NIM1K: variants seen among roughly 807,000 people sequenced by gnomAD.
The protein encoded by NIM1K is NIM1 serine/threonine protein kinase.
A neutral mutation model predicts 37.1 loss-of-function variants in NIM1K; 35 were observed. The ratio of observed to expected loss-of-function variants is 0.94; its 90% CI spans 0.72 to 1.25. The LOEUF is 1.25. NIM1K is among the 50% of genes most tolerant of loss of function. The pLI, the probability that NIM1K is intolerant of heterozygous loss-of-function variation, is 0.00. For synonymous variants in NIM1K, 234 were observed against 206.6 expected, an observed-to-expected ratio of 1.13 and a Z score of -1.14; for missense variants, 564 against 548.0, an observed-to-expected ratio of 1.03 and a Z score of -0.29.
At position 43,220,388 on chromosome 5, in the gene NIM1K, C is replaced by T. The variant is rs138704048; in HGVS notation, c.-694-24694C>T. 1.3e-3 allele frequency among the ~76,000 whole-genome samples: 189 copies of T among 150,744 alleles called. 1 individual carries two copies. Among genetic ancestry groups the T allele is most frequent in the Admixed American group, 7.8e-3 (117 of 15,082 alleles). ...GCAACCTTCACCTCCCAGGTTCAAG[C>T]GATTCTCCTGCCTTAGCATCCCGAG... On this transcript the variant is annotated intron_variant, in intron 1 of 3. Coordinates refer to ENST00000326035, the MANE Select transcript of NIM1K (RefSeq NM_153361.4).
intron 1 of NIM1K, chr5:43,232,063 A>C (rs1752547372): frequency 1.9e-6 from 2 of 1,035,940 alleles, no homozygotes; most frequent in Non-Finnish European, 2.9e-6. Flanking sequence ...CTGTGTCTTG[A>C]CCAGGTCTCC....
intron 1 of NIM1K, among the ~76,000 whole-genome samples, chr5:43,213,665 TG>T (rs1378817398): frequency 6.6e-6 from 1 of 152,162 alleles, no homozygotes; most frequent in African/African-American, 2.4e-5. Flanking sequence ...GGCTTATTTT[TG>T]TATTTTTTTA....
intron 2 of NIM1K, among the ~76,000 whole-genome samples, chr5:43,258,358 A>C (rs10462047): frequency 0.46 from 69,348 of 151,914 alleles, 16,384 homozygotes; most frequent in East Asian, 0.78. Flanking sequence ...TCAACTGTTG[A>C]TGATGTGACT....
At chr5:43,221,479 AAGAT>A (rs979981457) in intron 1 of NIM1K, among the ~76,000 whole-genome samples, 7 of 151,968 alleles carry the variant, frequency 4.6e-5, no homozygotes, top group African/African-American at 1.4e-4. Flanking sequence ...GAAAAGGAAA[AAGAT>A]AGAAAAGAAA....
chr5:43,216,120 C>A (rs1303086272), intron 1 of NIM1K, among the ~76,000 whole-genome samples: 1 of 152,000 alleles, frequency 6.6e-6, no homozygotes, highest in Non-Finnish European at 1.5e-5. Context: ...AATGTAAATA[C>A]CCTTTATTGC....
intron 2 of NIM1K, among the ~76,000 whole-genome samples, chr5:43,251,587 C>A (rs1752867244): frequency 6.6e-6 from 1 of 152,096 alleles, no homozygotes; most frequent in African/African-American, 2.4e-5. Context: ...TTCTATGGAC[C>A]CACAGCAGGG....
chr5:43,260,475 T>C (rs1753010378), intron 2 of NIM1K, among the ~76,000 whole-genome samples: 4 of 152,242 alleles, frequency 2.6e-5, no homozygotes, highest in African/African-American at 9.6e-5. Context: ...GTTTTTGTCA[T>C]AGAGCAATGC....
intron 1 of NIM1K, chr5:43,240,372 GC>G (rs2080329261): frequency 6.6e-6 from 1 of 151,684 alleles, no homozygotes; most frequent in Non-Finnish European, 1.5e-5. Flanking sequence ...ACCACAACCA[GC>G]CTATTTTCTT....
At position 43,277,341 on chromosome 5, in the gene NIM1K, G is replaced by C. The variant is rs371064873; in HGVS notation, c.561+16G>C. ...GAAGCACATGGTGAGCAGGGGTGACGAGTGAGAACCTTGCTCCCATTGCAC... is the reference window on the plus strand; with the variant it reads ...GAAGCACATGGTGAGCAGGGGTGACCAGTGAGAACCTTGCTCCCATTGCAC... On this transcript the variant is annotated intron_variant, in intron 3 of 3. Transcript: ENST00000326035. 1.7e-5 allele frequency: 28 copies of C among 1,608,930 alleles called. No individual in the cohort carries two copies. The highest frequency in any genetic ancestry group is 2.3e-5 in the Non-Finnish European group (27 of 1,177,540).
At chr5:43,249,799 T>C (rs1752840645) in intron 2 of NIM1K, among the ~76,000 whole-genome samples, 2 of 151,720 alleles carry the variant, frequency 1.3e-5, no homozygotes, top group Non-Finnish European at 2.9e-5. Context: ...GCAACCTTTT[T>C]ACACTTAGTA....
At chr5:43,266,009 G>T (rs1038289605) in intron 2 of NIM1K, among the ~76,000 whole-genome samples, 6 of 152,216 alleles carry the variant, frequency 3.9e-5, no homozygotes, top group Non-Finnish European at 7.3e-5. Flanking sequence ...GGGTCACCCA[G>T]CTGTGTGAGG....
At position 43,221,447 on chromosome 5, in the gene NIM1K, CAAAAAAAAA is replaced by C. The variant is rs55658060; in HGVS notation, c.-694-23622_-694-23614del. On this transcript the variant is annotated intron_variant, in intron 1 of 3. Coordinates refer to ENST00000326035, the MANE Select transcript of NIM1K (RefSeq NM_153361.4). ...GCCTGGGTGATGAGTGAGACTGTCTCAAAAAAAAAAAAAAAAAAAAAGAAAAGGAAAAAG... is the reference window on the plus strand; with the variant it reads ...GCCTGGGTGATGAGTGAGACTGTCTCAAAAAAAAAAAAGAAAAGGAAAAAG... Among the ~76,000 whole-genome samples the C allele has an allele frequency of 3.2e-5, 4 of 124,142 alleles. 1 individual carries two copies. Among genetic ancestry groups the C allele is most frequent in the Non-Finnish European group, 6.5e-5 (4 of 61,556 alleles). The allele number at this position is 124,142 out of a possible 152,430, so 81.4% of individuals were successfully genotyped here.
chr5:43,195,661 CAAAAAA>C (rs10556161), intron 1 of NIM1K, among the ~76,000 whole-genome samples: 4 of 112,084 alleles, frequency 3.6e-5, no homozygotes, highest in African/African-American at 1.4e-4. Flanking sequence ...ACTCTGAATC[CAAAAAA>C]AAAAAAAAAA....
chr5:43,274,912 TTCTG>T (rs1374331127), intron 2 of NIM1K, among the ~76,000 whole-genome samples: 2 of 152,248 alleles, frequency 1.3e-5, no homozygotes, highest in East Asian at 3.8e-4. Flanking sequence ...TGGGATCCTG[TTCTG>T]TCTGTTTGCT....
intron 1 of NIM1K, among the ~76,000 whole-genome samples, chr5:43,198,287 TCTTC>T (rs1384801608): frequency 1.3e-5 from 2 of 148,444 alleles, no homozygotes; most frequent in Admixed American, 6.8e-5. Context: ...TTCTCTCCTT[TCTTC>T]CTTCCTTCCT....
intron 2 of NIM1K, among the ~76,000 whole-genome samples, chr5:43,252,707 A>G (rs1752883106): frequency 6.6e-6 from 1 of 152,192 alleles, no homozygotes; most frequent in Admixed American, 6.5e-5. Context: ...GGGCTCTCCA[A>G]GCTGATAGTG....
intron 2 of NIM1K, among the ~76,000 whole-genome samples, chr5:43,249,586 A>G (rs544049525): frequency 6.6e-6 from 1 of 152,334 alleles, no homozygotes; most frequent in African/African-American, 2.4e-5. Context: ...GTGAACCAAA[A>G]CAGGTGATGC....
chr5:43,199,010 A>G lies in NIM1K; in HGVS notation c.-695+6599A>G, dbSNP rs532284792. 4.4e-4 allele frequency among the ~76,000 whole-genome samples: 66 copies of G among 151,348 alleles called. No individual in the cohort carries two copies. The South Asian group carries it at 0.014, about 31-fold the overall frequency. Reference sequence around the variant, plus strand: ...TCGAGACCAGCCTGACCAATATGGAAAAACCCCATCTCTACTAAAAATACA... The same window carrying G: ...TCGAGACCAGCCTGACCAATATGGAGAAACCCCATCTCTACTAAAAATACA... On this transcript the variant is annotated intron_variant, in intron 1 of 3. Transcript: ENST00000326035.
chr5:43,273,200 CTT>C (rs113748798), intron 2 of NIM1K, among the ~76,000 whole-genome samples: 6 of 145,520 alleles, frequency 4.1e-5, no homozygotes, highest in African/African-American at 1.3e-4. Flanking sequence ...TGCCAGAGTG[CTT>C]TTTTTTTTTT....
Sources: allele counts gnomAD v4.1 joint callset (sites outside exome capture counted in the v4.1 genomes callset), GRCh38; gene constraint gnomAD v4.1.1; transcripts MANE v1.5; gene names NCBI Gene and HGNC (gene_info 2026-07-23, HGNC 2026-07-21).